Variants in HACD3 observed in about 807,000 individuals in gnomAD.
HACD3 encodes the protein 3-hydroxyacyl-CoA dehydratase 3, also known as very-long-chain (3R)-3-hydroxyacyl-CoA dehydratase 3.
A neutral mutation model predicts 55.2 loss-of-function variants in HACD3; 30 were observed. That is an observed-to-expected ratio of 0.54 (90% CI 0.41 to 0.74). The LOEUF is 0.74. HACD3 is among the 30% of genes least tolerant of loss of function. The pLI is 0.00. For synonymous variants in HACD3, 141 were observed against 151.7 expected (o/e 0.93, Z 0.52); for missense variants, 363 against 440.1 (o/e 0.82, Z 1.57).
intron 1 of HACD3, among the ~76,000 whole-genome samples, chr15:65,531,650 C>G (rs1002961586): frequency 6.6e-6 from 1 of 152,148 alleles, no homozygotes; most frequent in African/African-American, 2.4e-5. Context: ...ACCGCAACCT[C>G]TGCCTCCCGG....
intron 3 of HACD3, among the ~76,000 whole-genome samples, chr15:65,556,123 T>A (rs2072186289): frequency 6.6e-6 from 1 of 152,216 alleles, no homozygotes; most frequent in African/African-American, 2.4e-5. Context: ...AGGCACTTTT[T>A]CCACAGATGG....
chr15:65,568,324 C>G (rs2072312926), intron 7 of HACD3, among the ~76,000 whole-genome samples: 1 of 151,526 alleles, frequency 6.6e-6, no homozygotes, highest in Non-Finnish European at 1.5e-5. Context: ...CTCAACTAAA[C>G]ACTTAAAAAA....
intron 1 of HACD3, among the ~76,000 whole-genome samples, chr15:65,542,246 A>AAAG (rs1491449973): frequency 6.7e-5 from 9 of 134,616 alleles, no homozygotes; most frequent in African/African-American, 2.4e-4. Context: ...AAAAAAAAAA[A>AAAG]GAAAAGAAAA....
chr15:65,533,542 TA>T (rs1056451802), intron 1 of HACD3, among the ~76,000 whole-genome samples: 1 of 152,168 alleles, frequency 6.6e-6, no homozygotes, highest in Non-Finnish European at 1.5e-5. Context: ...TGTCTCATTT[TA>T]TGAGGATTTC....
intron 7 of HACD3, 108 bp downstream of exon 7, chr15:65,564,450 C>G (rs2072272754): frequency 1.5e-5 from 20 of 1,358,456 alleles, no homozygotes; most frequent in Middle Eastern, 4.7e-4. Context: ...ATACCTGAGA[C>G]TGGGCAGTTT....
intron 1 of HACD3, among the ~76,000 whole-genome samples, chr15:65,544,051 C>T (rs140759299): frequency 0.047 from 7,205 of 152,152 alleles, 574 homozygotes; most frequent in African/African-American, 0.16. Flanking sequence ...GTGGTGGGCG[C>T]CTGTAGTCCC....
At chr15:65,559,878 AG>A (rs1304121523) in intron 5 of HACD3, among the ~76,000 whole-genome samples, 3 of 152,218 alleles carry the variant, frequency 2.0e-5, no homozygotes, top group African/African-American at 7.2e-5. Flanking sequence ...TTTGGGTGTT[AG>A]GTAAAGCTTT....
chr15:65,544,579 G>A (rs1208442595), intron 1 of HACD3, among the ~76,000 whole-genome samples: 1 of 152,090 alleles, frequency 6.6e-6, no homozygotes, highest in East Asian at 1.9e-4. Flanking sequence ...TGGGTACACA[G>A]TAGGTGTGTA....
chr15:65,570,040 C>T, intron 7 of HACD3, 51 bp from the exon 8 acceptor site: 1 of 1,241,850 alleles, frequency 8.1e-7, no homozygotes, highest in Non-Finnish European at 1.1e-6. Flanking sequence ...ATTTCTATAA[C>T]TTTACATATA....
chr15:65,537,041 A>G (rs1276687655), intron 1 of HACD3, among the ~76,000 whole-genome samples: 1 of 152,252 alleles, frequency 6.6e-6, no homozygotes, highest in Non-Finnish European at 1.5e-5. Flanking sequence ...TCTGGATAGA[A>G]TATAAATCAG....
chr15:65,552,273 A>G (rs2072141054), intron 2 of HACD3, among the ~76,000 whole-genome samples: 1 of 151,824 alleles, frequency 6.6e-6, no homozygotes, highest in African/African-American at 2.4e-5. Context: ...GGCCATCTAG[A>G]TGATCCAGAA....
intron 1 of HACD3, among the ~76,000 whole-genome samples, chr15:65,544,165 G>A (rs1178006033): frequency 6.6e-6 from 1 of 151,712 alleles, no homozygotes; most frequent in Non-Finnish European, 1.5e-5. Flanking sequence ...TGACAGAGCG[G>A]GACTCCATCT....
At chr15:65,542,243 AAAAGAAAAG>A (rs2072028017) in intron 1 of HACD3, among the ~76,000 whole-genome samples, 1 of 118,908 alleles carries the variant, frequency 8.4e-6, no homozygotes, top group Non-Finnish European at 1.8e-5. Context: ...AAAAAAAAAA[AAAAGAAAAG>A]AAAAGAATAT....
At chr15:65,532,363 C>CGA (rs986148296) in intron 1 of HACD3, among the ~76,000 whole-genome samples, 3 of 152,132 alleles carry the variant, frequency 2.0e-5, no homozygotes, top group African/African-American at 7.2e-5. Context: ...CTGTGGCTCA[C>CGA]GCCTGTAATG....
chr15:65,538,756 C>A lies in HACD3; in HGVS notation c.87+8038C>A, dbSNP rs148453416. Among the ~76,000 whole-genome samples the A allele has an allele frequency of 2.2e-4, 33 of 152,340 alleles. 1 individual carries two copies. The Middle Eastern group carries it at 0.01, about 47-fold the overall frequency. ...GGAAAGACTCAATCAATGAGACAAA[C>A]TTCATTGTTGTCCTCCTTTAAGAAA... is the stretch of plus-strand genomic sequence containing the variant. On this transcript the variant is annotated intron_variant, in intron 1 of 10. Transcript: ENST00000261875.
chr15:65,565,378 G>T (rs1019074028), intron 7 of HACD3: 3 of 152,292 alleles, frequency 2.0e-5, no homozygotes, highest in Admixed American at 2.0e-4. Flanking sequence ...CTTCCTCACT[G>T]CCCTAGCAGA....
chr15:65,550,812 C>CA (rs2072124828), intron 1 of HACD3: 1 of 152,228 alleles, frequency 6.6e-6, no homozygotes, highest in South Asian at 2.1e-4. Flanking sequence ...GAAAAACAAA[C>CA]ACCGTGACAC....
At chr15:65,549,426 G>GAAAAAAAAAAAAAAAAAAAAAAAA (rs34149100) in intron 1 of HACD3, among the ~76,000 whole-genome samples, 1 of 111,064 alleles carries the variant, frequency 9.0e-6, no homozygotes, top group African/African-American at 3.3e-5. Flanking sequence ...TCTCTGCTGG[G>GAAAAAAAAAAAAAAAAAAAAAAAA]AAAAAAAAAA....
At chr15:65,563,269 G>T (rs534618335) in intron 6 of HACD3, among the ~76,000 whole-genome samples, 53 of 152,136 alleles carry the variant, frequency 3.5e-4, no homozygotes, top group Middle Eastern at 6.8e-3. Flanking sequence ...GCCTAAATAC[G>T]TTCTAAAATG....
Sources: allele counts gnomAD v4.1 joint callset (sites outside exome capture counted in the v4.1 genomes callset), GRCh38; gene constraint gnomAD v4.1.1; transcripts MANE v1.5; gene names NCBI Gene and HGNC (gene_info 2026-07-23, HGNC 2026-07-21).